Variants in LENG8 observed in about 807,000 individuals in gnomAD.
The protein encoded by LENG8 is leukocyte receptor cluster (LRC) member 8.
In LENG8, 28 loss-of-function variants were observed where a neutral mutation model predicts 102.1. The ratio of observed to expected loss-of-function variants is 0.27; its 90% CI spans 0.20 to 0.38. The LOEUF is 0.38. Ranked by LOEUF, LENG8 falls within the 10% of genes least tolerant of loss-of-function variation. The pLI is 1.00. For synonymous variants in LENG8, 531 were observed against 456.7 expected (o/e 1.16, Z -2.07); for missense variants, 1,022 against 1,113.9 (o/e 0.92, Z 1.17).
intron 15 of LENG8, chr19:54,460,365 C>G (rs1256145157): frequency 4.1e-6 from 5 of 1,209,046 alleles, no homozygotes; most frequent in Admixed American, 3.3e-5. Flanking sequence ...TTCCCAGACA[C>G]TGTAACGCAG....
At position 54,460,604 on chromosome 19, in the gene LENG8, C is replaced by G. The variant is rs193170887; in HGVS notation, c.2241-162C>G. 9 of 1,423,676 alleles carry G rather than the reference C, an allele frequency of 6.3e-6. No homozygotes were observed. In the South Asian group the frequency reaches 9.1e-5, roughly 14 times the overall value. The allele number at this position is 1,423,676 out of a possible 1,614,324, so 88.2% of individuals were successfully genotyped here. ...TCACTAACCCCCCCCGGGCCCCCCCCGAGCCCCTGAGGTGGGGAGGCTGGG... is the reference window on the plus strand; with the variant it reads ...TCACTAACCCCCCCCGGGCCCCCCCGGAGCCCCTGAGGTGGGGAGGCTGGG... On this transcript the variant is annotated intron_variant, in intron 15 of 15. Transcript: ENST00000326764.
chr19:54,454,288 T>C, intron 5 of LENG8, 142 bp from the exon 6 acceptor site: 1 of 752,820 alleles, frequency 1.3e-6, no homozygotes, highest in Non-Finnish European at 2.2e-6. Flanking sequence ...TACTGAGGAC[T>C]CGAATGAACT....
At position 54,461,215 on chromosome 19, in the gene LENG8, T is replaced by C. The variant is rs535644429; in HGVS notation, c.*287T>C. 5.7e-5 allele frequency: 37 copies of C among 644,174 alleles called. No individual in the cohort carries two copies. The highest frequency in any genetic ancestry group is 4.3e-4 in the African/African-American group (24 of 56,164). 39.9% of individuals were successfully genotyped at this position (644,174 alleles called of 1,614,324 possible). ...CTGTGTCCGCCTTTCACTCCACTAA[T>C]GCTGTCTCAGTGTTTTCTCTCTCTC... On this transcript the variant is annotated 3_prime_UTR_variant, in exon 16 of 16. Coordinates refer to ENST00000326764, the MANE Select transcript of LENG8 (RefSeq NM_052925.4).
chr19:54,456,200 G>A lies in LENG8; in HGVS notation c.1259G>A (p.Arg420His), dbSNP rs748236940. 4.5e-5 allele frequency: 73 copies of A among 1,611,374 alleles called. No homozygotes were observed. Among genetic ancestry groups the A allele is most frequent in the East Asian group, 1.3e-4 (6 of 44,856 alleles). ...DNSSSSSTDS[R>H]SRSSSRSPTR... ...AGCTCTTCTTCCAGCACAGACTCCC[G>A]CTCCCGCTCCTCCTCCAGGTCCCCG... Residue 420 changes from arginine (R) to histidine (H), a missense_variant, in exon 9 of 16, where the codon CGC (arginine) becomes CAC (histidine). Transcript: ENST00000326764.
At position 54,455,048 on chromosome 19, in the gene LENG8, T is replaced by C. The variant is rs2123117556; in HGVS notation, c.777T>C (p.Ser259=). ...GCTCCAACGCAGAGGGCCAGCACAG[T>C]GGTTTTGGCCCCCAGCCCAACCCTG... is the stretch of plus-strand genomic sequence containing the variant. The part of the protein sequence containing the change: ...SFGSNAEGQH[S]GFGPQPNPEK... The change falls in exon 7 of 16, where the codon AGT becomes AGC. Residue 259 remains serine (S), a synonymous_variant. Transcript: ENST00000326764. 1 of 1,614,062 alleles carries C rather than the reference T, an allele frequency of 6.2e-7. No homozygotes were observed. The highest frequency in any genetic ancestry group is 2.2e-5 in the East Asian group (1 of 44,874).
chr19:54,457,351 C>T (rs968489754), intron 11 of LENG8, among the ~76,000 whole-genome samples: 1 of 152,138 alleles, frequency 6.6e-6, no homozygotes, highest in Non-Finnish European at 1.5e-5. Context: ...TTTGTTTTCT[C>T]TTTTTTTGGG....
intron 15 of LENG8, 154 bp from the exon 16 acceptor site, chr19:54,460,612 T>C: frequency 1.4e-6 from 2 of 1,394,822 alleles, no homozygotes; most frequent in Non-Finnish European, 9.3e-7. Flanking sequence ...CCCGAGCCCC[T>C]GAGGTGGGGA....
At position 54,455,580 on chromosome 19, in the gene LENG8, G is replaced by T; in HGVS notation, c.1025+13G>T. 6.3e-7 allele frequency: 1 copy of T among 1,595,218 alleles called. No individual in the cohort carries two copies. The highest frequency in any genetic ancestry group is 8.5e-7 in the Non-Finnish European group (1 of 1,175,840). On this transcript the variant is annotated intron_variant, in intron 8 of 15. Coordinates refer to ENST00000326764, the MANE Select transcript of LENG8 (RefSeq NM_052925.4). ...AGCCCTTGCCGGGGTTAGTCTGGGTGGGGGACATAGGTGGGAGGGTGGTGC... is the reference window on the plus strand; with the variant it reads ...AGCCCTTGCCGGGGTTAGTCTGGGTTGGGGACATAGGTGGGAGGGTGGTGC...
At chr19:54,451,946 A>G (rs1037673428) in intron 2 of LENG8, 147 bp from the exon 3 acceptor site, 6 of 654,260 alleles carry the variant, frequency 9.2e-6, no homozygotes, top group East Asian at 5.6e-5. Context: ...GAAACCCTTT[A>G]TCAGCATAGT....
chr19:54,453,459 G>A lies in LENG8; in HGVS notation c.316-87G>A, dbSNP rs529227477. The A allele has an allele frequency of 1.4e-5, 11 of 802,994 alleles. No homozygotes were observed. The East Asian group carries it at 2.1e-4, about 15-fold the overall frequency. 49.7% of individuals were successfully genotyped at this position (802,994 alleles called of 1,614,324 possible). ...AGAAAGGGGTGAGGGATTGGTAGAG[G>A]GTCATGGCTGGTGTAGTTCCTGAGC... On this transcript the variant is annotated intron_variant, in intron 4 of 15. Transcript: ENST00000326764.
intron 4 of LENG8, 145 bp from the exon 5 acceptor site, chr19:54,453,401 T>C (rs2084051595): frequency 3.2e-6 from 2 of 621,570 alleles, no homozygotes; most frequent in East Asian, 5.6e-5. Flanking sequence ...TCCTAATATA[T>C]GAGAGGATGT....
rs1232324018 is a variant in LENG8, at chr19:54,461,172, C to G, written c.*244C>G. The G allele has an allele frequency of 1.4e-6, 1 of 692,798 alleles. No individual in the cohort carries two copies. The highest frequency in any genetic ancestry group is 1.8e-5 in the African/African-American group (1 of 56,984). 42.9% of individuals were successfully genotyped at this position (692,798 alleles called of 1,614,324 possible). ...GGGATGGGCAGCGGAGGGTTGGGGG[C>G]ATGGTCTGCAGGCTCATCTGTGTCC... On this transcript the variant is annotated 3_prime_UTR_variant, in exon 16 of 16. Transcript: ENST00000326764.
Position 54,457,845 on chromosome 19 carries a change from G to A in LENG8, c.1830G>A (p.Leu610=), listed in dbSNP as rs934471742. 12 of 1,613,808 alleles carry A rather than the reference G, an allele frequency of 7.4e-6. No homozygotes were observed. The highest frequency in any genetic ancestry group is 1.0e-5 in the Non-Finnish European group (12 of 1,179,772). ...AGATGAAGTCGATCCGGCAGGATCT[G>A]ACGGTGAGACTCGCGCTGGGAGGGG... is the stretch of plus-strand genomic sequence containing the variant. The part of the protein sequence containing the change: ...CEQMKSIRQD[L]TVQGIRTEFT... The change falls in exon 12 of 16, where the codon CTG becomes CTA. Residue 610 remains leucine, a synonymous_variant. Transcript: ENST00000326764.
intron 15 of LENG8, chr19:54,460,413 C>G: frequency 8.1e-7 from 1 of 1,239,232 alleles, no homozygotes; most frequent in Non-Finnish European, 1.0e-6. Flanking sequence ...CCCACGGTGG[C>G]CCTGGCAGCC....
chr19:54,450,747 A>G (rs1259848275), intron 1 of LENG8, among the ~76,000 whole-genome samples: 1 of 150,938 alleles, frequency 6.6e-6, no homozygotes, highest in Admixed American at 6.6e-5. Flanking sequence ...CGGCCTCCCT[A>G]GTAGCTGGGA....
intron 2 of LENG8, 77 bp downstream of exon 2, chr19:54,451,459 G>A (rs2083956148): frequency 9.5e-6 from 14 of 1,474,286 alleles, no homozygotes; most frequent in Non-Finnish European, 1.3e-5. Context: ...TCTGGGGTGG[G>A]ACCTCCCGTG....
intron 2 of LENG8, among the ~76,000 whole-genome samples, chr19:54,451,808 G>A (rs2083974793): frequency 6.6e-6 from 1 of 152,202 alleles, no homozygotes; most frequent in African/African-American, 2.4e-5. Flanking sequence ...GCCAAGGCCT[G>A]TGTTCAGTTC....
At position 54,452,646 on chromosome 19, in the gene LENG8, C is replaced by A. The variant is rs376961541; in HGVS notation, c.214-5C>A. The A allele has an allele frequency of 3.1e-6, 5 of 1,611,806 alleles. No individual in the cohort carries two copies. The highest frequency in any genetic ancestry group is 1.3e-5 in the African/African-American group (1 of 74,724). ...CTGACGGCACATGTGCCTCTGCTTCCACAGTACGTGTCCCAGGCAGAAGCC... is the reference window on the plus strand; with the variant it reads ...CTGACGGCACATGTGCCTCTGCTTCAACAGTACGTGTCCCAGGCAGAAGCC... On this transcript the variant is annotated splice_region_variant and splice_polypyrimidine_tract_variant and intron_variant, in intron 3 of 15. Transcript: ENST00000326764.
In LENG8 at chr19:54,457,941, G is replaced by A. The variant is rs1268466122; in HGVS notation, c.1841G>A (p.Gly614Asp). Reference sequence around the variant, plus strand: ...CTCGCCCCGCTGCCCCAGGTGCAGGGCATCCGCACCGAGTTCACGGTGGAG... The same window carrying A: ...CTCGCCCCGCTGCCCCAGGTGCAGGACATCCGCACCGAGTTCACGGTGGAG... ...KSIRQDLTVQ[G>D]IRTEFTVEVY... Residue 614 changes from glycine to aspartate, a missense_variant, in exon 13 of 16, where the codon GGC (glycine) becomes GAC (aspartate). Around this residue, in one of 7 missense-constraint regions of LENG8, gnomAD observed 158 missense variants for 229.0 expected, o/e 0.69. Transcript: ENST00000326764. 6.2e-7 allele frequency: 1 copy of A among 1,613,786 alleles called. No individual in the cohort carries two copies. The highest frequency in any genetic ancestry group is 1.3e-5 in the African/African-American group (1 of 75,014).
Sources: gnomAD v4.1 joint callset for allele counts (sites outside exome capture counted in the v4.1 genomes callset) on GRCh38, gnomAD v4.1.1 for gene constraint, gnomAD v4.1.1 regional missense constraint, MANE v1.5 for transcripts, NCBI Gene and HGNC (gene_info 2026-07-23, HGNC 2026-07-21) for gene names.